PABPC4L: variants seen among roughly 807,000 people sequenced by gnomAD.
PABPC4L encodes the protein poly(A) binding protein cytoplasmic 4 like.
For missense variants in PABPC4L, 452 were observed against 451.4 expected (o/e 1.00, Z -0.01); for synonymous variants, 169 against 164.1 (o/e 1.03, Z -0.23).
chr4:134,109,061 C>G, the PABPC4L span, among the ~76,000 whole-genome samples: 230 of 151,880 alleles, frequency 1.5e-3, 3 homozygotes, highest in Middle Eastern at 3.4e-3. Flanking sequence ...CTTTATGTAA[C>G]CCTAAACAAT....
chr4:133,971,176 A>G, the PABPC4L span, among the ~76,000 whole-genome samples: 1 of 148,050 alleles, frequency 6.8e-6, no homozygotes, highest in South Asian at 2.1e-4. Flanking sequence ...GCAGTGGAAC[A>G]ATCTCGGCTC....
chr4:134,079,383 A>G, the PABPC4L span, among the ~76,000 whole-genome samples: 1 of 148,120 alleles, frequency 6.8e-6, no homozygotes, highest in African/African-American at 2.5e-5. Flanking sequence ...GATCGAGACC[A>G]TCCTGGCTAA....
the PABPC4L span, among the ~76,000 whole-genome samples, chr4:133,952,051 T>A: frequency 1.4e-4 from 22 of 152,306 alleles, no homozygotes; most frequent in Admixed American, 4.6e-4. Context: ...ACAATCCCCT[T>A]TCCCTTAGGA....
chr4:134,187,073 G>A, the PABPC4L span, among the ~76,000 whole-genome samples: 4 of 152,226 alleles, frequency 2.6e-5, no homozygotes, highest in Non-Finnish European at 5.9e-5. Flanking sequence ...GGAGAAATAG[G>A]AATGCTTTTA....
At chr4:134,168,909 C>T in the PABPC4L span, among the ~76,000 whole-genome samples, 1 of 152,066 alleles carries the variant, frequency 6.6e-6, no homozygotes, top group Non-Finnish European at 1.5e-5. Flanking sequence ...TACTCTCAAA[C>T]TCATTTCATA....
the PABPC4L span, among the ~76,000 whole-genome samples, chr4:134,107,908 A>G: frequency 6.6e-6 from 1 of 151,474 alleles, no homozygotes; most frequent in East Asian, 1.9e-4. Flanking sequence ...ACCCAAAGAC[A>G]TATATTTTAT....
chr4:133,953,254 T>A, the PABPC4L span, among the ~76,000 whole-genome samples: 1 of 152,156 alleles, frequency 6.6e-6, no homozygotes. Flanking sequence ...TGAGACCTAG[T>A]ATTCTCTCAT....
At chr4:134,055,663 G>T in the PABPC4L span, among the ~76,000 whole-genome samples, 2 of 145,882 alleles carry the variant, frequency 1.4e-5, no homozygotes, top group African/African-American at 2.5e-5. Context: ...TTTCTAATTG[G>T]ATTGATAATT....
chr4:134,166,121 G>T, the PABPC4L span, among the ~76,000 whole-genome samples: 3 of 152,060 alleles, frequency 2.0e-5, no homozygotes, highest in Admixed American at 6.6e-5. Context: ...CACCACAGAG[G>T]CAGAAGCCAG....
Position 134,200,011 on chromosome 4 carries a change from T to C in PABPC4L, c.1009A>G (p.Ile337Val). 1.3e-6 allele frequency: 2 copies of C among 1,551,646 alleles called. No individual in the cohort carries two copies. The highest frequency in any genetic ancestry group is 1.7e-6 in the Non-Finnish European group (2 of 1,146,972). The change falls in exon 2 of 2, where the codon ATC becomes GTC. Residue 337 changes from isoleucine to valine, a missense_variant. By Grantham distance (29) the Ile-to-Val change is conservative. Transcript: ENST00000421491. The stretch of plus-strand genomic sequence containing the variant: ...GCATCCTCAGGAGAGGAGAAGCAGA[T>C]CAAGCCAAACCCTTTGCTCTGCCCC... ...EEGQSKGFGL[I>V]CFSSPEDATK...
chr4:134,123,981 G>C, the PABPC4L span, among the ~76,000 whole-genome samples: 1 of 152,006 alleles, frequency 6.6e-6, no homozygotes, highest in Admixed American at 6.6e-5. Flanking sequence ...GTGTTCAAAA[G>C]TACTTACAAG....
At chr4:134,040,448 A>G in the PABPC4L span, among the ~76,000 whole-genome samples, 6 of 152,136 alleles carry the variant, frequency 3.9e-5, no homozygotes, top group African/African-American at 1.4e-4. Context: ...CTGATCTTTG[A>G]CAAACCTGAC....
chr4:134,185,741 A>T, the PABPC4L span, among the ~76,000 whole-genome samples: 1 of 152,186 alleles, frequency 6.6e-6, no homozygotes, highest in African/African-American at 2.4e-5. Context: ...AGAGGAAGTC[A>T]AATTGTCCCT....
At chr4:133,969,516 C>T in the PABPC4L span, among the ~76,000 whole-genome samples, 1 of 152,136 alleles carries the variant, frequency 6.6e-6, no homozygotes, top group Admixed American at 6.6e-5. Flanking sequence ...GCCAGGCTTA[C>T]ATTATTCCAT....
the PABPC4L span, among the ~76,000 whole-genome samples, chr4:134,139,716 C>G: frequency 0.023 from 3,383 of 150,022 alleles, 128 homozygotes; most frequent in African/African-American, 0.078. Context: ...TTTGGAGAGA[C>G]AACACTTTGC....
chr4:134,183,977 TAAC>T, the PABPC4L span, among the ~76,000 whole-genome samples: 4 of 151,810 alleles, frequency 2.6e-5, no homozygotes, highest in East Asian at 5.8e-4. Context: ...TTGTAGAACT[TAAC>T]AAGTTGATTT....
the PABPC4L span, among the ~76,000 whole-genome samples, chr4:134,031,575 T>C: frequency 6.5e-4 from 99 of 152,064 alleles, 1 homozygote; most frequent in Non-Finnish European, 1.3e-3. Context: ...TTTGCAGTTA[T>C]TTCTCAACAA....
chr4:134,065,692 A>G, the PABPC4L span, among the ~76,000 whole-genome samples: 5 of 151,728 alleles, frequency 3.3e-5, no homozygotes, highest in African/African-American at 1.2e-4. Flanking sequence ...AATCTTTGTC[A>G]CATTCTATGA....
At chr4:134,002,762 A>G in the PABPC4L span, among the ~76,000 whole-genome samples, 1 of 152,024 alleles carries the variant, frequency 6.6e-6, no homozygotes, top group African/African-American at 2.4e-5. Flanking sequence ...CAATTACACA[A>G]CAAGAGAAAT....
Sources: allele counts gnomAD v4.1 joint callset (sites outside exome capture counted in the v4.1 genomes callset), GRCh38; gene constraint gnomAD v4.1.1; transcripts MANE v1.5; gene names NCBI Gene and HGNC (gene_info 2026-07-23, HGNC 2026-07-21).